Variants in COLEC10 observed in about 807,000 individuals in gnomAD.
COLEC10 encodes collectin subfamily member 10, also known as collectin-10.
Under a neutral mutation model 28.4 loss-of-function variants are expected in COLEC10, and 22 were observed. The observed-to-expected ratio is 0.78, with a 90% CI of 0.55 to 1.11. The LOEUF (loss-of-function observed/expected upper bound fraction) is 1.11, where lower values mean the gene tolerates loss of function less well. Ranked by LOEUF, COLEC10 falls within the 50% of genes least tolerant of loss-of-function variation. The probability of loss-of-function intolerance (pLI) is 0.00; values close to 1 mark genes in which losing one functional copy is unlikely to be tolerated. For synonymous variants in COLEC10, 125 were observed against 116.1 expected, an observed-to-expected ratio of 1.08 and a Z score of -0.49; for missense variants, 361 against 344.1, an observed-to-expected ratio of 1.05 and a Z score of -0.39.
At chr8:119,069,621 A>AAAAC (rs1554627243) in intron 1 of COLEC10, among the ~76,000 whole-genome samples, 10 of 61,712 alleles carry the variant, frequency 1.6e-4, no homozygotes, top group South Asian at 7.7e-4. Flanking sequence ...AAAAAAAAAA[A>AAAAC]AAAAAAAAAT....
chr8:119,045,487 T>C (rs1370036676), intron 2 of COLEC10, among the ~76,000 whole-genome samples: 1 of 152,190 alleles, frequency 6.6e-6, no homozygotes, highest in Non-Finnish European at 1.5e-5. Context: ...CTTGATGACA[T>C]GAATAGGCGT....
At chr8:119,096,868 C>CT (rs1201087340) in intron 3 of COLEC10, among the ~76,000 whole-genome samples, 1 of 151,942 alleles carries the variant, frequency 6.6e-6, no homozygotes. Flanking sequence ...ATAAAAATGA[C>CT]TGACAATATC....
intron 3 of COLEC10, among the ~76,000 whole-genome samples, chr8:119,100,204 G>T (rs1188600401): frequency 6.6e-6 from 1 of 152,070 alleles, no homozygotes; most frequent in African/African-American, 2.4e-5. Context: ...CACCATGAAA[G>T]GGGGGTTAGA....
intron 2 of COLEC10, among the ~76,000 whole-genome samples, chr8:119,015,398 A>G (rs1813973380): frequency 6.6e-6 from 1 of 150,950 alleles, no homozygotes; most frequent in Admixed American, 6.6e-5. Context: ...GCTCTGACAA[A>G]ACCTCCACAG....
chr8:118,983,674 G>A, the COLEC10 span, among the ~76,000 whole-genome samples: 1 of 151,982 alleles, frequency 6.6e-6, no homozygotes, highest in Non-Finnish European at 1.5e-5. Context: ...GTGGGCAAAG[G>A]ATATGAACAG....
chr8:118,984,405 T>C, the COLEC10 span, among the ~76,000 whole-genome samples: 1 of 152,048 alleles, frequency 6.6e-6, no homozygotes, highest in Non-Finnish European at 1.5e-5. Context: ...ACCTGAGTGA[T>C]GAAATAATCT....
the COLEC10 span, among the ~76,000 whole-genome samples, chr8:118,964,826 G>A: frequency 3.3e-5 from 5 of 152,224 alleles, no homozygotes; most frequent in Middle Eastern, 3.4e-3. Context: ...TGGTACAAGC[G>A]GTCACATCGA....
the COLEC10 span, among the ~76,000 whole-genome samples, chr8:118,967,834 G>T: frequency 1.6e-4 from 24 of 152,084 alleles, no homozygotes; most frequent in South Asian, 5.0e-3. Flanking sequence ...CATTGAAAAT[G>T]CCACAGCAGT....
intron 1 of COLEC10, among the ~76,000 whole-genome samples, chr8:119,080,265 C>T (rs189290953): frequency 9.7e-4 from 148 of 152,228 alleles, no homozygotes; most frequent in Non-Finnish European, 1.5e-3. Flanking sequence ...CGCTAGGACA[C>T]AACACAGCTT....
intron 2 of COLEC10, among the ~76,000 whole-genome samples, chr8:119,045,533 A>G (rs552003955): frequency 2.6e-5 from 4 of 152,368 alleles, no homozygotes; most frequent in South Asian, 2.1e-4. Context: ...CTGAATTTTA[A>G]TAAGTCCAAA....
chr8:118,953,414 G>C, the COLEC10 span, among the ~76,000 whole-genome samples: 6 of 152,154 alleles, frequency 3.9e-5, no homozygotes, highest in Non-Finnish European at 7.3e-5. Flanking sequence ...ATAAATAGCA[G>C]TATTATTGTT....
chr8:119,026,721 C>A (rs768550734), intron 2 of COLEC10, among the ~76,000 whole-genome samples: 2 of 152,092 alleles, frequency 1.3e-5, no homozygotes, highest in Non-Finnish European at 2.9e-5. Context: ...GGGAAGAAAT[C>A]AGGTTTGGGC....
At chr8:118,987,653 GA>G in the COLEC10 span, among the ~76,000 whole-genome samples, 6 of 151,358 alleles carry the variant, frequency 4.0e-5, no homozygotes, top group African/African-American at 1.5e-4. Flanking sequence ...AAAGTGTTGA[GA>G]AAAAAAAATC....
chr8:119,041,554 A>C (rs1450989479), intron 2 of COLEC10, among the ~76,000 whole-genome samples: 3 of 152,160 alleles, frequency 2.0e-5, no homozygotes, highest in Non-Finnish European at 4.4e-5. Flanking sequence ...CATGACCCCA[A>C]TATACTACTT....
chr8:118,988,180 G>A, the COLEC10 span, among the ~76,000 whole-genome samples: 2 of 152,074 alleles, frequency 1.3e-5, no homozygotes. Context: ...AAACTATTAG[G>A]GACCCCAATC....
At position 119,029,160 on chromosome 8, in the gene COLEC10, C is replaced by A. The variant is rs73709528; in HGVS notation, n.235+19607C>A. ...ACAGGGTTCCCAAAGGGATTTCTAA[C>A]CTGTATTAAGCCTTTAGACTTTATG... On this transcript the variant is annotated intron_variant and non_coding_transcript_variant, in intron 2 of 6. Transcript: ENST00000521788. 1.7e-3 allele frequency among the ~76,000 whole-genome samples: 266 copies of A among 152,268 alleles called. 2 individuals are homozygous for A. The highest frequency in any genetic ancestry group is 6.1e-3 in the African/African-American group (253 of 41,560).
intron 3 of COLEC10, among the ~76,000 whole-genome samples, chr8:119,100,991 C>T (rs543148334): frequency 6.6e-6 from 1 of 152,166 alleles, no homozygotes; most frequent in Non-Finnish European, 1.5e-5. Flanking sequence ...TCAAAAGTAA[C>T]TATGTAAGGA....
rs571671395 is a variant in COLEC10 at position 119,032,492 on chromosome 8, T to A, written n.235+22939T>A. Among the ~76,000 whole-genome samples, 12 of 152,338 alleles carry A rather than the reference T, an allele frequency of 7.9e-5. No individual in the cohort carries two copies. The South Asian group carries it at 2.5e-3, about 32-fold the overall frequency. ...TTCGTTAAAGGCCCACTGGAAATTC[T>A]ACAGGCCATGGTTTTGTACTCAGCC... is the stretch of plus-strand genomic sequence containing the variant. On this transcript the variant is annotated intron_variant and non_coding_transcript_variant, in intron 2 of 6. Coordinates refer to the COLEC10 transcript ENST00000521788.
intron 1 of COLEC10, among the ~76,000 whole-genome samples, chr8:119,077,401 C>T (rs1815268376): frequency 6.6e-6 from 1 of 152,028 alleles, no homozygotes; most frequent in African/African-American, 2.4e-5. Context: ...AGAGTGTATG[C>T]AAAACTAAAA....
Sources: gnomAD v4.1 joint callset for allele counts (sites outside exome capture counted in the v4.1 genomes callset) on GRCh38, gnomAD v4.1.1 for gene constraint, MANE v1.5 for transcripts, NCBI Gene and HGNC (gene_info 2026-07-23, HGNC 2026-07-21) for gene names.